The following BTBD7 variants were observed in gnomAD, a reference collection of about 807,000 sequenced individuals.
BTBD7 encodes the protein BTB/POZ domain-containing protein 7.
BTBD7 carries 38 observed loss-of-function variants against 99.9 expected under a neutral mutation model. That is an observed-to-expected ratio of 0.38 (90% CI 0.29 to 0.50). The LOEUF is 0.50. BTBD7 is among the 20% of genes least tolerant of loss of function. The probability of loss-of-function intolerance (pLI) is 0.93; values close to 1 mark genes in which losing one functional copy is unlikely to be tolerated. For synonymous variants in BTBD7, 520 were observed against 511.4 expected (o/e 1.02, Z -0.23); for missense variants, 1,170 against 1,394.6 (o/e 0.84, Z 2.57).
chr14:93,306,695 G>C (rs1276529592), intron 1 of BTBD7, among the ~76,000 whole-genome samples: 1 of 152,050 alleles, frequency 6.6e-6, no homozygotes, highest in Non-Finnish European at 1.5e-5. Flanking sequence ...ATTTCTTGAG[G>C]CGCAAAGTTA....
intron 6 of BTBD7, among the ~76,000 whole-genome samples, chr14:93,254,604 T>C (rs879594680): frequency 9.9e-5 from 15 of 152,180 alleles, no homozygotes; most frequent in Admixed American, 9.8e-4. Flanking sequence ...ACATCTCCTT[T>C]ACCTGGGCTT....
At chr14:93,329,705 T>C (rs1471014856) in intron 1 of BTBD7, among the ~76,000 whole-genome samples, 1 of 152,158 alleles carries the variant, frequency 6.6e-6, no homozygotes, top group African/African-American at 2.4e-5. Context: ...GAAGGACAAA[T>C]ACTGTATAAT....
chr14:93,331,885 C>CCCA (rs556726487), intron 1 of BTBD7, among the ~76,000 whole-genome samples: 5 of 147,164 alleles, frequency 3.4e-5, no homozygotes, highest in Non-Finnish European at 5.9e-5. Flanking sequence ...CGTCTCCCCC[C>CCCA]CCCCAAAAAG....
intron 1 of BTBD7, among the ~76,000 whole-genome samples, chr14:93,328,041 T>C (rs530624019): frequency 1.3e-5 from 2 of 151,902 alleles, no homozygotes; most frequent in African/African-American, 4.8e-5. Context: ...TCAAAAAGAA[T>C]AAAATACTTA....
intron 3 of BTBD7, among the ~76,000 whole-genome samples, chr14:93,282,340 T>A (rs2052730197): frequency 6.6e-6 from 1 of 151,670 alleles, no homozygotes; most frequent in South Asian, 2.1e-4. Context: ...TTTTTCTTTT[T>A]TTTTTTTTTT....
chr14:93,276,853 G>A (rs1025920887), intron 3 of BTBD7, among the ~76,000 whole-genome samples: 2 of 148,756 alleles, frequency 1.3e-5, no homozygotes, highest in African/African-American at 4.9e-5. Flanking sequence ...ATTCATGAAC[G>A]ATTTCTCTTC....
At chr14:93,326,491 C>G (rs1408535897) in intron 1 of BTBD7, among the ~76,000 whole-genome samples, 3 of 152,002 alleles carry the variant, frequency 2.0e-5, no homozygotes, top group African/African-American at 7.3e-5. Context: ...TAACTAACTT[C>G]CACTAGCATT....
Position 93,242,817 on chromosome 14 carries a change from G to A in BTBD7, c.2855C>T (p.Ala952Val), listed in dbSNP as rs2052250554. 1 of 1,614,192 alleles carries A rather than the reference G, an allele frequency of 6.2e-7. No homozygotes were observed. The highest frequency in any genetic ancestry group is 1.3e-5 in the African/African-American group (1 of 75,048). ...YPDFYDFSNAACRPSTPALSR... is the reference protein window; with the variant it reads ...YPDFYDFSNAVCRPSTPALSR... ...GAGAGCAGGAGTAGAAGGTCTGCAA[G>A]CAGCATTTGAGAAGTCATAGAAATC... is the stretch of plus-strand genomic sequence containing the variant. Residue 952 changes from alanine (A) to valine (V), a missense_variant, in exon 11 of 11, where the codon GCT becomes GTT. Transcript: ENST00000334746.
At position 93,240,798 on chromosome 14, in the gene BTBD7, T is replaced by C. The variant is rs2052216662; in HGVS notation, c.*1475A>G. 1 of 152,626 alleles carries C rather than the reference T, an allele frequency of 6.6e-6. No individual in the cohort carries two copies. 9.5% of individuals were successfully genotyped at this position (152,626 alleles called of 1,614,324 possible). A position where few individuals can be genotyped will look rare whatever the true frequency, so the allele number is the denominator to read the frequency against. On this transcript the variant is annotated 3_prime_UTR_variant, in exon 11 of 11. Coordinates refer to ENST00000334746, the MANE Select transcript of BTBD7 (RefSeq NM_001002860.4). Reference sequence around the variant, plus strand: ...AGGGAGAGGATCCTGAAAGACCCCATGTGCTCAGTGGTTTAGTAAATGCCA... The same window carrying C: ...AGGGAGAGGATCCTGAAAGACCCCACGTGCTCAGTGGTTTAGTAAATGCCA...
chr14:93,246,294 AGATT>A lies in BTBD7; in HGVS notation c.2122-12_2122-9del. ...AAAGAATTTGTGAGGATTCTAAAAA[AGATT>A]AAAAAAAAAAAAAAAGGACATTTAT... is the stretch of plus-strand genomic sequence containing the variant. On this transcript the variant is annotated splice_polypyrimidine_tract_variant and intron_variant, in intron 9 of 10. Transcript: ENST00000334746. 5 of 1,470,116 alleles carry A rather than the reference AGATT, an allele frequency of 3.4e-6. No individual in the cohort carries two copies. The highest frequency in any genetic ancestry group is 2.7e-6 in the Non-Finnish European group (3 of 1,116,818). The allele number at this position is 1,470,116 out of a possible 1,614,324, so 91.1% of individuals were successfully genotyped here.
intron 10 of BTBD7, 34 bp downstream of exon 10, chr14:93,245,791 G>A (rs760459841): frequency 2.5e-6 from 4 of 1,585,968 alleles, no homozygotes; most frequent in African/African-American, 1.3e-5. Context: ...TCCATAAACC[G>A]AATTTGAAGC....
intron 9 of BTBD7, 28 bp from the exon 10 acceptor site, chr14:93,246,314 G>T (rs774741337): frequency 1.8e-5 from 24 of 1,319,358 alleles, no homozygotes; most frequent in Non-Finnish European, 2.4e-5. Flanking sequence ...AAAAAAAAAA[G>T]GACATTTATT....
intron 4 of BTBD7, 130 bp downstream of exon 4, chr14:93,263,655 G>GTA: frequency 1.2e-6 from 1 of 804,426 alleles, no homozygotes; most frequent in South Asian, 1.7e-5. Flanking sequence ...GAAGAGGGCA[G>GTA]TCCTGGGTGG....
At position 93,241,855 on chromosome 14, in the gene BTBD7, G is replaced by T. The variant is rs191231660; in HGVS notation, c.*418C>A. On this transcript the variant is annotated 3_prime_UTR_variant, in exon 11 of 11. Transcript: ENST00000334746. ...AATACATCTTAGTGTGCAATCCAAT[G>T]CACATGGATTGGTAGATGAAAGGTA... 1,226 of 182,752 alleles carry T rather than the reference G, an allele frequency of 6.7e-3. 6 individuals are homozygous for T. Among genetic ancestry groups the T allele is most frequent in the Admixed American group, 0.01 (185 of 18,346 alleles). 11.3% of individuals were successfully genotyped at this position (182,752 alleles called of 1,614,324 possible). A position where few individuals can be genotyped will look rare whatever the true frequency, so the allele number is the denominator to read the frequency against.
At chr14:93,325,217 G>A (rs2053316679) in intron 1 of BTBD7, among the ~76,000 whole-genome samples, 1 of 148,218 alleles carries the variant, frequency 6.7e-6, no homozygotes, top group Admixed American at 6.8e-5. Context: ...GGGGACAAGC[G>A]ATTCTCCCGC....
intron 5 of BTBD7, 121 bp downstream of exon 5, chr14:93,261,481 A>C: frequency 1.3e-6 from 1 of 787,662 alleles, no homozygotes; most frequent in Non-Finnish European, 2.2e-6. Flanking sequence ...GGTGGTAAAA[A>C]CTTCCATTTT....
Position 93,300,778 on chromosome 14 carries a change from A to T in BTBD7, c.-106-4621T>A, listed in dbSNP as rs1231889324. ...TGTGTGTGTGTGTGTGTGTGTATAT[A>T]TATATATATTTTTTTTTTGTAGAGA... On this transcript the variant is annotated intron_variant, in intron 1 of 10. Coordinates refer to ENST00000334746, the MANE Select transcript of BTBD7 (RefSeq NM_001002860.4). Among the ~76,000 whole-genome samples the T allele has an allele frequency of 1.4e-4, 12 of 83,680 alleles. 1 individual carries two copies. The highest frequency in any genetic ancestry group is 6.9e-3 in the Middle Eastern group (1 of 144). 54.9% of individuals were successfully genotyped at this position (83,680 alleles called of 152,430 possible).
At chr14:93,256,071 G>A (rs2052425961) in intron 6 of BTBD7, 1 of 152,038 alleles carries the variant, frequency 6.6e-6, no homozygotes, top group Non-Finnish European at 1.5e-5. Flanking sequence ...AATACTTCTT[G>A]AAAACAATAT....
In BTBD7 at chr14:93,242,825, T is replaced by C; in HGVS notation, c.2847A>G (p.Ser949=). 1 of 1,614,154 alleles carries C rather than the reference T, an allele frequency of 6.2e-7. No homozygotes were observed. The highest frequency in any genetic ancestry group is 1.7e-5 in the Admixed American group (1 of 60,014). The change falls in exon 11 of 11, where the codon TCA becomes TCG. Residue 949 remains serine (S), a synonymous_variant. Coordinates refer to ENST00000334746, the MANE Select transcript of BTBD7 (RefSeq NM_001002860.4). ...PQEYPDFYDF[S]NAACRPSTPA... ...GAGTAGAAGGTCTGCAAGCAGCATT[T>C]GAGAAGTCATAGAAATCCGGATATT...
Sources: allele counts gnomAD v4.1 joint callset (sites outside exome capture counted in the v4.1 genomes callset), GRCh38; gene constraint gnomAD v4.1.1; transcripts MANE v1.5; gene names NCBI Gene and HGNC (gene_info 2026-07-23, HGNC 2026-07-21).